DCLK1: variants seen among roughly 807,000 people sequenced by gnomAD.
The protein encoded by DCLK1 is serine/threonine-protein kinase DCLK1.
In DCLK1, 16 loss-of-function variants were observed where a neutral mutation model predicts 86.2. That is an observed-to-expected ratio of 0.19 (90% CI 0.13 to 0.28). The LOEUF (loss-of-function observed/expected upper bound fraction) is 0.28. Ranked by LOEUF, DCLK1 falls within the 10% of genes least tolerant of loss-of-function variation. The probability of loss-of-function intolerance (pLI) is 1.00; values close to 1 mark genes in which losing one functional copy is unlikely to be tolerated. For missense variants in DCLK1, 590 were observed against 940.2 expected (o/e 0.63, Z 4.87); for synonymous variants, 369 against 370.5 (o/e 1.00, Z 0.05).
intron 3 of DCLK1, among the ~76,000 whole-genome samples, chr13:35,964,946 G>A (rs903335485): frequency 6.6e-6 from 1 of 152,164 alleles, no homozygotes. Context: ...ACAGAGTTGA[G>A]TAGTTGCAAC....
intron 4 of DCLK1, among the ~76,000 whole-genome samples, chr13:35,946,459 T>G (rs1477143361): frequency 6.6e-6 from 1 of 152,238 alleles, no homozygotes; most frequent in Non-Finnish European, 1.5e-5. Context: ...TCAAGTCAAG[T>G]CAAGTGACCA....
In DCLK1 at chr13:35,846,709, G is replaced by A. The variant is rs116334284; in HGVS notation, c.1036-7533C>T. On this transcript the variant is annotated intron_variant, in intron 6 of 16. Transcript: ENST00000360631. Reference sequence around the variant, plus strand: ...GCCTCTGTGCAATATTTCAATCAAAGACAGTTGTCACTAACATGCACAAAT... The same window carrying A: ...GCCTCTGTGCAATATTTCAATCAAAAACAGTTGTCACTAACATGCACAAAT... The A allele has an allele frequency of 1.1e-3, 1,058 of 985,266 alleles. 11 individuals carry two copies. The African/African-American group carries it at 0.012, about 11-fold the overall frequency. 61.0% of individuals were successfully genotyped at this position (985,266 alleles called of 1,614,324 possible).
At chr13:35,865,590 T>A (rs756364319) in intron 5 of DCLK1, among the ~76,000 whole-genome samples, 1 of 152,226 alleles carries the variant, frequency 6.6e-6, no homozygotes, top group African/African-American at 2.4e-5. Context: ...ATGTTATCTG[T>A]GAGGCCTTGA....
At chr13:35,926,514 A>G (rs1471143018) in intron 4 of DCLK1, among the ~76,000 whole-genome samples, 1 of 152,170 alleles carries the variant, frequency 6.6e-6, no homozygotes, top group Non-Finnish European at 1.5e-5. Flanking sequence ...CTGACTGTGG[A>G]TGGCCTCTTC....
At chr13:35,795,253 A>G (rs530633769) in intron 15 of DCLK1, among the ~76,000 whole-genome samples, 2 of 152,322 alleles carry the variant, frequency 1.3e-5, no homozygotes, top group Non-Finnish European at 2.9e-5. Context: ...GCAAGTGGGA[A>G]GCCACAAAGT....
intron 3 of DCLK1, among the ~76,000 whole-genome samples, chr13:36,059,738 A>G (rs137865825): frequency 7.9e-5 from 12 of 152,308 alleles, no homozygotes; most frequent in African/African-American, 2.9e-4. Flanking sequence ...GGAATAAAAG[A>G]AAACCCCTCT....
intron 4 of DCLK1, among the ~76,000 whole-genome samples, chr13:35,943,584 G>A (rs61949305): frequency 4.6e-5 from 7 of 152,218 alleles, no homozygotes; most frequent in South Asian, 2.1e-4. Context: ...TCCCGAGCAC[G>A]CAGCAGGCCT....
intron 4 of DCLK1, among the ~76,000 whole-genome samples, chr13:35,878,862 T>C (rs1396497530): frequency 6.6e-6 from 1 of 152,122 alleles, no homozygotes; most frequent in East Asian, 1.9e-4. Flanking sequence ...CTTGGCTCAC[T>C]GCAACCTCTG....
rs1446076328 is a variant in DCLK1 at position 35,873,285 on chromosome 13, TA to T, written c.824-1946del. On this transcript the variant is annotated intron_variant, in intron 4 of 16. Transcript: ENST00000360631. ...CATAAATAAATAAAAATAAAAAAAT[TA>T]AAATTAAAAAATTTGCTGAACAAAG... 4.6e-5 allele frequency among the ~76,000 whole-genome samples: 7 copies of T among 151,956 alleles called. No individual in the cohort carries two copies. In the South Asian group the frequency reaches 8.3e-4, roughly 18 times the overall value.
chr13:35,978,174 G>C (rs1444441155), intron 3 of DCLK1, among the ~76,000 whole-genome samples: 1 of 145,702 alleles, frequency 6.9e-6, no homozygotes. Flanking sequence ...GTGCAATTTA[G>C]AGTTCCAGTT....
intron 3 of DCLK1, among the ~76,000 whole-genome samples, chr13:35,964,963 C>T (rs1285789848): frequency 1.3e-5 from 2 of 152,136 alleles, no homozygotes; most frequent in Non-Finnish European, 2.9e-5. Context: ...CAACAGAGAT[C>T]ATATGGTTCA....
intron 4 of DCLK1, among the ~76,000 whole-genome samples, chr13:35,946,566 T>C (rs1877391496): frequency 6.6e-6 from 1 of 152,176 alleles, no homozygotes; most frequent in African/African-American, 2.4e-5. Flanking sequence ...AAGCAAAAAA[T>C]TCATTATCAT....
rs1004798031 is a variant in DCLK1 at position 35,769,985 on chromosome 13, T to TAAAC, written c.*4546_*4549dup. ...GATGCTCAGTGTTGAAACCCAACAATAAACAAACAAACAAAAACCCCCACT... is the reference window on the plus strand; with the variant it reads ...GATGCTCAGTGTTGAAACCCAACAATAAACAAACAAACAAACAAAAACCCCCACT... On this transcript the variant is annotated 3_prime_UTR_variant, in exon 17 of 17. Transcript: ENST00000360631. 2 of 152,100 alleles carry TAAAC rather than the reference T, an allele frequency of 1.3e-5. No individual in the cohort carries two copies. Among genetic ancestry groups the TAAAC allele is most frequent in the Non-Finnish European group, 2.9e-5 (2 of 67,998 alleles). 9.4% of individuals were successfully genotyped at this position (152,100 alleles called of 1,614,324 possible). A position where few individuals can be genotyped will look rare whatever the true frequency, so the allele number is the denominator to read the frequency against.
intron 3 of DCLK1, among the ~76,000 whole-genome samples, chr13:35,999,501 A>G (rs11841368): frequency 6.6e-6 from 1 of 152,056 alleles, no homozygotes; most frequent in East Asian, 1.9e-4. Context: ...TCCTTCAAGG[A>G]CAATTTGGAA....
intron 3 of DCLK1, among the ~76,000 whole-genome samples, chr13:35,958,656 C>A (rs754726721): frequency 1.3e-5 from 2 of 152,182 alleles, no homozygotes; most frequent in Admixed American, 6.5e-5. Context: ...GAGGACAGAG[C>A]CTTTTGTCTC....
rs573589231 is a variant in DCLK1, at chr13:35,771,813, C to A, written c.*2722G>T. ...ACATAGATACACTGCCATAATGATACATATTTGTTCTATGATAAGTGAAAT... is the reference window on the plus strand; with the variant it reads ...ACATAGATACACTGCCATAATGATAAATATTTGTTCTATGATAAGTGAAAT... On this transcript the variant is annotated 3_prime_UTR_variant, in exon 17 of 17. Coordinates refer to ENST00000360631, the MANE Select transcript of DCLK1 (RefSeq NM_001330071.2). The A allele has an allele frequency of 2.0e-5, 3 of 152,258 alleles. No individual in the cohort carries two copies. Among genetic ancestry groups the A allele is most frequent in the African/African-American group, 7.2e-5 (3 of 41,554 alleles). 9.4% of individuals were successfully genotyped at this position (152,258 alleles called of 1,614,324 possible). A position where few individuals can be genotyped will look rare whatever the true frequency, so the allele number is the denominator to read the frequency against.
intron 3 of DCLK1, among the ~76,000 whole-genome samples, chr13:36,084,373 C>T (rs1168919438): frequency 6.6e-6 from 1 of 152,136 alleles, no homozygotes; most frequent in Non-Finnish European, 1.5e-5. Context: ...CGTACAATCA[C>T]CGGGCACACA....
At chr13:35,973,314 T>G (rs552126347) in intron 3 of DCLK1, among the ~76,000 whole-genome samples, 1 of 152,318 alleles carries the variant, frequency 6.6e-6, no homozygotes, top group East Asian at 1.9e-4. Context: ...GGCCTCCTGC[T>G]TATAGGCTTT....
At chr13:36,114,041 T>A (rs1484942085) in intron 2 of DCLK1, among the ~76,000 whole-genome samples, 1 of 152,148 alleles carries the variant, frequency 6.6e-6, no homozygotes. Context: ...GTCTGATTAT[T>A]TATAAGTTTC....
Sources: allele counts gnomAD v4.1 joint callset (sites outside exome capture counted in the v4.1 genomes callset), GRCh38; gene constraint gnomAD v4.1.1; transcripts MANE v1.5; gene names NCBI Gene and HGNC (gene_info 2026-07-23, HGNC 2026-07-21).